The following EGF variants were observed in gnomAD, a reference collection of about 807,000 sequenced individuals.
EGF encodes the protein epidermal growth factor, also known as pro-epidermal growth factor.
EGF carries 95 observed loss-of-function variants against 143.8 expected under a neutral mutation model. The observed-to-expected ratio is 0.66, with a 90% CI of 0.56 to 0.78. The LOEUF is 0.78. Among genes scored for constraint, EGF ranks in the 30% least tolerant of loss-of-function variants. EGF has a pLI of 0.00. For missense variants in EGF, 1,320 were observed against 1,470.9 expected (o/e 0.90, Z 1.68); for synonymous variants, 510 against 510.5 (o/e 1.00, Z 0.01).
intron 21 of EGF, among the ~76,000 whole-genome samples, chr4:110,003,430 T>A (rs996848972): frequency 6.6e-6 from 1 of 152,206 alleles, no homozygotes; most frequent in African/African-American, 2.4e-5. Context: ...GTTTCAATTT[T>A]TTTCCTTGAA....
rs1205849972 is a variant in EGF at position 109,913,470 on chromosome 4, C to T, written c.127+8C>T. Reference sequence around the variant, plus strand: ...GGAATTCTACTTGTGTGGGTAAGTACTCCAATGAAAAGGTGCTCCAGGTCT... The same window carrying T: ...GGAATTCTACTTGTGTGGGTAAGTATTCCAATGAAAAGGTGCTCCAGGTCT... On this transcript the variant is annotated splice_region_variant and intron_variant, in intron 1 of 23. Coordinates refer to ENST00000265171, the MANE Select transcript of EGF (RefSeq NM_001963.6). The T allele has an allele frequency of 1.2e-6, 2 of 1,613,122 alleles. No individual in the cohort carries two copies. Among genetic ancestry groups the T allele is most frequent in the Non-Finnish European group, 1.7e-6 (2 of 1,179,548 alleles).
In EGF at chr4:109,971,036, A is replaced by C. The variant is rs931908051; in HGVS notation, c.1724+1917A>C. On this transcript the variant is annotated intron_variant, in intron 11 of 23. Transcript: ENST00000265171. ...CCAGATACTGTGCTTTATATCCATG[A>C]CACTATTAAATCCCCAAAGGTAAGT... 1.3e-5 allele frequency among the ~76,000 whole-genome samples: 2 copies of C among 152,074 alleles called. 1 individual carries two copies. The highest frequency in any genetic ancestry group is 1.3e-4 in the Admixed American group (2 of 15,256).
chr4:109,946,792 T>C (rs1454662233), intron 5 of EGF, among the ~76,000 whole-genome samples: 2 of 152,180 alleles, frequency 1.3e-5, no homozygotes, highest in Non-Finnish European at 2.9e-5. Context: ...AGTCCCAAAT[T>C]TCCACTTCTA....
intron 2 of EGF, among the ~76,000 whole-genome samples, chr4:109,942,204 G>C (rs778960680): frequency 2.0e-5 from 3 of 152,166 alleles, no homozygotes; most frequent in Non-Finnish European, 4.4e-5. Flanking sequence ...TAAAATAGTT[G>C]TGAATTTATA....
chr4:110,005,537 G>T (rs940693502), intron 22 of EGF, among the ~76,000 whole-genome samples: 9 of 151,990 alleles, frequency 5.9e-5, no homozygotes, highest in African/African-American at 1.9e-4. Flanking sequence ...AATTTAACTG[G>T]GTTCTTTATT....
At chr4:109,919,973 T>C (rs749514928) in intron 1 of EGF, among the ~76,000 whole-genome samples, 1 of 151,740 alleles carries the variant, frequency 6.6e-6, no homozygotes, top group Non-Finnish European at 1.5e-5. Flanking sequence ...AGTGGTCTGC[T>C]ATTGGGAGCA....
chr4:109,980,226 G>A (rs1213699425), intron 14 of EGF, 87 bp downstream of exon 14: 15 of 1,392,350 alleles, frequency 1.1e-5, no homozygotes, highest in Middle Eastern at 1.9e-4. Context: ...TGGCGGGGGG[G>A]TGGAGGGGAT....
intron 1 of EGF, among the ~76,000 whole-genome samples, chr4:109,931,825 G>A (rs1385473174): frequency 6.6e-6 from 1 of 152,206 alleles, no homozygotes; most frequent in Non-Finnish European, 1.5e-5. Context: ...AATGTCAAGA[G>A]TCTTCCTAGT....
chr4:109,972,495 G>T (rs1390581161), intron 11 of EGF, among the ~76,000 whole-genome samples: 1 of 152,056 alleles, frequency 6.6e-6, no homozygotes, highest in African/African-American at 2.4e-5. Context: ...ATCTCCCCTG[G>T]TCACAAGCAA....
chr4:109,929,619 G>A (rs1739330639), intron 1 of EGF, among the ~76,000 whole-genome samples: 1 of 152,158 alleles, frequency 6.6e-6, no homozygotes. Flanking sequence ...CTGGGGGTAG[G>A]TAGGGGCTGT....
chr4:109,927,723 C>CAAA (rs1168036243), intron 1 of EGF, among the ~76,000 whole-genome samples: 1 of 51,598 alleles, frequency 1.9e-5, no homozygotes. Context: ...GACACCGTCT[C>CAAA]AAAAAAAAAA....
intron 1 of EGF, among the ~76,000 whole-genome samples, chr4:109,917,012 T>C (rs1339521963): frequency 1.3e-5 from 2 of 152,220 alleles, no homozygotes; most frequent in Non-Finnish European, 1.5e-5. Context: ...ACTGTGGCTC[T>C]GGTGTTTGTC....
At chr4:109,952,921 G>C (rs1290209311) in intron 5 of EGF, among the ~76,000 whole-genome samples, 1 of 152,136 alleles carries the variant, frequency 6.6e-6, no homozygotes, top group East Asian at 1.9e-4. Flanking sequence ...CCTGGCTGTG[G>C]CCTCTGTTTA....
At chr4:110,011,066 T>G (rs1343366634) in intron 23 of EGF, 136 bp from the exon 24 acceptor site, 6 of 997,030 alleles carry the variant, frequency 6.0e-6, no homozygotes, top group Admixed American at 2.2e-5. Flanking sequence ...AAAAAATGTG[T>G]CTAGAGTAGT....
chr4:109,913,498 G>A (rs529988835), intron 1 of EGF, 36 bp downstream of exon 1: 33 of 1,607,876 alleles, frequency 2.1e-5, no homozygotes, highest in South Asian at 8.9e-5. Flanking sequence ...CCAGGTCTCC[G>A]GGAAACTGCC....
chr4:109,991,361 C>T (rs907902743), intron 18 of EGF, among the ~76,000 whole-genome samples: 14 of 151,986 alleles, frequency 9.2e-5, no homozygotes, highest in African/African-American at 3.4e-4. Context: ...TCTCAAATGG[C>T]GAAGGCTAGG....
chr4:109,943,839 C>T lies in EGF; in HGVS notation c.510-3C>T. ...TGGGTCTATGTAATGTGTTTGCCCTCAGGTTTATATTTTGGTCTTCAGAGG... is the reference window on the plus strand; with the variant it reads ...TGGGTCTATGTAATGTGTTTGCCCTTAGGTTTATATTTTGGTCTTCAGAGG... On this transcript the variant is annotated splice_region_variant and splice_polypyrimidine_tract_variant and intron_variant, in intron 3 of 23. Transcript: ENST00000265171. The T allele has an allele frequency of 6.2e-7, 1 of 1,613,886 alleles. No individual in the cohort carries two copies. The highest frequency in any genetic ancestry group is 8.5e-7 in the Non-Finnish European group (1 of 1,179,832).
intron 20 of EGF, among the ~76,000 whole-genome samples, chr4:109,996,749 C>T (rs1055686134): frequency 6.6e-6 from 1 of 152,164 alleles, no homozygotes; most frequent in Non-Finnish European, 1.5e-5. Flanking sequence ...CGGGGTGATG[C>T]AGAGGAAGTG....
rs560237104 is a variant in EGF, at chr4:109,980,073, G to A, written c.2155G>A (p.Val719Ile). The change falls in exon 14 of 24, where the codon GTA becomes ATA. Residue 719 changes from valine to isoleucine, a missense_variant. By Grantham distance (29) the Val-to-Ile change is conservative (BLOSUM62 3). Coordinates refer to ENST00000265171, the MANE Select transcript of EGF (RefSeq NM_001963.6). ...RVNKRTGKDR[V>I]RLQGSMLKPS... ...AAACAAGAGGACTGGCAAAGATAGA[G>A]TACGTCTCCAAGGCAGCATGCTGAA... 6.2e-7 allele frequency: 1 copy of A among 1,613,958 alleles called. No individual in the cohort carries two copies. Among genetic ancestry groups the A allele is most frequent in the South Asian group, 1.1e-5 (1 of 91,058 alleles).
Sources: allele counts gnomAD v4.1 joint callset (sites outside exome capture counted in the v4.1 genomes callset), GRCh38; gene constraint gnomAD v4.1.1; transcripts MANE v1.5; gene names NCBI Gene and HGNC (gene_info 2026-07-23, HGNC 2026-07-21).